COP1: variants seen among roughly 807,000 people sequenced by gnomAD.
The protein encoded by COP1 is E3 ubiquitin-protein ligase COP1.
In COP1, 24 loss-of-function variants were observed where a neutral mutation model predicts 101.3. The observed-to-expected ratio is 0.24, with a 90% CI of 0.17 to 0.33. The LOEUF is 0.33. Ranked by LOEUF, COP1 falls within the 10% of genes least tolerant of loss-of-function variation. The pLI, the probability that COP1 is intolerant of heterozygous loss-of-function variation, is 1.00. For missense variants in COP1, 663 were observed against 906.2 expected, an observed-to-expected ratio of 0.73 and a Z score of 3.45; for synonymous variants, 347 against 341.9, an observed-to-expected ratio of 1.01 and a Z score of -0.17.
At chr1:176,041,155 C>T (rs1205101021) in intron 14 of COP1, among the ~76,000 whole-genome samples, 7 of 151,996 alleles carry the variant, frequency 4.6e-5, no homozygotes, top group Admixed American at 3.9e-4. Flanking sequence ...ATAGAGATTT[C>T]TAAATATTTC....
chr1:176,076,487 A>G (rs540533657), intron 11 of COP1, among the ~76,000 whole-genome samples: 3 of 152,174 alleles, frequency 2.0e-5, no homozygotes, highest in Non-Finnish European at 4.4e-5. Flanking sequence ...AGAGAGGAAA[A>G]TTTATAGCAC....
chr1:175,988,253 G>A (rs943409693), intron 17 of COP1, 35 bp downstream of exon 17: 1 of 1,575,624 alleles, frequency 6.3e-7, no homozygotes, highest in African/African-American at 1.4e-5. Flanking sequence ...ACAAACACCT[G>A]TTAAAAAGTT....
intron 11 of COP1, among the ~76,000 whole-genome samples, chr1:176,050,727 C>T (rs538956285): frequency 6.6e-6 from 1 of 152,188 alleles, no homozygotes; most frequent in Non-Finnish European, 1.5e-5. Flanking sequence ...ACATACATAA[C>T]ACTTGAGATG....
intron 3 of COP1, among the ~76,000 whole-genome samples, chr1:176,174,989 A>AT (rs1295406973): frequency 7.9e-5 from 12 of 152,246 alleles, no homozygotes; most frequent in Middle Eastern, 3.4e-3. Flanking sequence ...ATCATTTATC[A>AT]TTTATACTTA....
chr1:175,970,855 A>AT (rs1335904780), intron 18 of COP1, among the ~76,000 whole-genome samples: 4 of 152,216 alleles, frequency 2.6e-5, no homozygotes, highest in Admixed American at 1.3e-4. Flanking sequence ...TTTGAAAAAA[A>AT]CTTTTCTGAA....
chr1:176,129,219 GT>G (rs1558166012), intron 8 of COP1, among the ~76,000 whole-genome samples: 1 of 151,394 alleles, frequency 6.6e-6, no homozygotes, highest in East Asian at 1.9e-4. Flanking sequence ...ATGATTCCTT[GT>G]TTTTTCCTAT....
At chr1:176,153,679 G>A (rs1464559661) in intron 5 of COP1, among the ~76,000 whole-genome samples, 1 of 152,146 alleles carries the variant, frequency 6.6e-6, no homozygotes, top group Non-Finnish European at 1.5e-5. Flanking sequence ...GTTTTCAAGG[G>A]CAATGCTTCC....
intron 11 of COP1, among the ~76,000 whole-genome samples, chr1:176,077,850 T>C (rs907502165): frequency 2.6e-5 from 4 of 152,086 alleles, no homozygotes; most frequent in African/African-American, 9.7e-5. Context: ...CATTTCCATA[T>C]ACTAATAACA....
At chr1:176,003,365 T>C (rs1196227822) in intron 15 of COP1, among the ~76,000 whole-genome samples, 1 of 152,058 alleles carries the variant, frequency 6.6e-6, no homozygotes, top group African/African-American at 2.4e-5. Context: ...TTAGATCCCA[T>C]TTGTCAATTT....
In COP1 at chr1:176,008,831, G is replaced by GT. The variant is rs544789610; in HGVS notation, c.1729+18740dup. 2.0e-5 allele frequency among the ~76,000 whole-genome samples: 3 copies of GT among 152,172 alleles called. No individual in the cohort carries two copies. In the East Asian group the frequency reaches 5.8e-4, roughly 29 times the overall value. On this transcript the variant is annotated intron_variant, in intron 15 of 19. Transcript: ENST00000367669. ...ATGGAGCCACTGACATCTTTAATGA[G>GT]TTTTTTATTTATTTTTGTTTTTATT...
At position 175,987,774 on chromosome 1, in the gene COP1, C is replaced by A. The variant is rs560176827; in HGVS notation, c.1972+514G>T. On this transcript the variant is annotated intron_variant, in intron 17 of 19. Coordinates refer to ENST00000367669, the MANE Select transcript of COP1 (RefSeq NM_022457.7). Reference sequence around the variant, plus strand: ...TCATCTATTCAGGCATTAGATGTATCAGAGCATTTGAATAATATCAAATTT... The same window carrying A: ...TCATCTATTCAGGCATTAGATGTATAAGAGCATTTGAATAATATCAAATTT... Among the ~76,000 whole-genome samples, 20 of 152,210 alleles carry A rather than the reference C, an allele frequency of 1.3e-4. No individual in the cohort carries two copies. The East Asian group carries it at 3.9e-3, about 29-fold the overall frequency.
intron 8 of COP1, among the ~76,000 whole-genome samples, chr1:176,122,876 G>A (rs1395292771): frequency 1.3e-5 from 2 of 152,148 alleles, no homozygotes; most frequent in African/African-American, 4.8e-5. Context: ...GATGGAACAG[G>A]TCTGAGTCTA....
intron 1 of COP1, among the ~76,000 whole-genome samples, chr1:176,193,154 G>C (rs1445093475): frequency 6.6e-6 from 1 of 152,026 alleles, no homozygotes; most frequent in Non-Finnish European, 1.5e-5. Flanking sequence ...TAAATGAATG[G>C]CCAACAAGCT....
At position 176,206,824 on chromosome 1, in the gene COP1, A is replaced by C. The variant is rs958604805; in HGVS notation, c.155T>G (p.Val52Gly). 2 of 1,399,552 alleles carry C rather than the reference A, an allele frequency of 1.4e-6. No homozygotes were observed. The highest frequency in any genetic ancestry group is 3.4e-5 in the Admixed American group (1 of 29,596). The allele number at this position is 1,399,552 out of a possible 1,614,324, so 86.7% of individuals were successfully genotyped here. ...GCCGCCCGAGCCGGCGGCCTGGGCC[A>C]CCCCGCCGGACACCAGCGCTGCCGC... is the stretch of plus-strand genomic sequence containing the variant. Reference protein sequence around the residue: ...VSAAALVSGGVAQAAGSGGLG... With the variant: ...VSAAALVSGGGAQAAGSGGLG... The change falls in exon 1 of 20, where the codon GTG becomes GGG. Residue 52 changes from valine (V) to glycine (G), a missense_variant. Val to Gly is a moderately radical substitution (Grantham distance 109). This residue lies in a region of COP1 where 204 missense variants were observed against 203.6 expected (regional missense o/e 1.00). Coordinates refer to ENST00000367669, the MANE Select transcript of COP1 (RefSeq NM_022457.7).
intron 11 of COP1, among the ~76,000 whole-genome samples, chr1:176,074,125 C>T (rs1677517594): frequency 6.6e-6 from 1 of 152,100 alleles, no homozygotes; most frequent in Non-Finnish European, 1.5e-5. Context: ...TGGAGATTCA[C>T]CATGCTGGCC....
At chr1:176,151,409 G>GAA (rs1164740449) in intron 5 of COP1, among the ~76,000 whole-genome samples, 1 of 133,016 alleles carries the variant, frequency 7.5e-6, no homozygotes, top group East Asian at 2.6e-4. Flanking sequence ...AAGAAAGAAA[G>GAA]AAAGAAAGAA....
chr1:176,169,572 T>C (rs768965149), intron 3 of COP1, among the ~76,000 whole-genome samples: 1 of 152,232 alleles, frequency 6.6e-6, no homozygotes, highest in Non-Finnish European at 1.5e-5. Flanking sequence ...AGTTTAAGTA[T>C]TATGTCTTTA....
chr1:176,167,287 CTAT>C (rs1695287301), intron 3 of COP1, among the ~76,000 whole-genome samples: 1 of 152,136 alleles, frequency 6.6e-6, no homozygotes, highest in Non-Finnish European at 1.5e-5. Context: ...CAATGCTTAC[CTAT>C]TAGCAGAAGA....
chr1:176,048,156 C>T (rs1184726929), intron 11 of COP1, among the ~76,000 whole-genome samples: 1 of 148,860 alleles, frequency 6.7e-6, no homozygotes, highest in Non-Finnish European at 1.5e-5. Flanking sequence ...GCTTTAAATG[C>T]TTCCTTAATT....
Sources: gnomAD v4.1 joint callset for allele counts (sites outside exome capture counted in the v4.1 genomes callset) on GRCh38, gnomAD v4.1.1 for gene constraint, gnomAD v4.1.1 regional missense constraint, MANE v1.5 for transcripts, NCBI Gene and HGNC (gene_info 2026-07-23, HGNC 2026-07-21) for gene names.